Variants in DTNB observed in about 807,000 individuals in gnomAD.
DTNB encodes the protein DTN-B.
A neutral mutation model predicts 90.7 loss-of-function variants in DTNB; 63 were observed. That is an observed-to-expected ratio of 0.69 (90% confidence interval 0.57 to 0.86). The LOEUF (loss-of-function observed/expected upper bound fraction) is 0.86, where lower values mean the gene tolerates loss of function less well. DTNB is among the 40% of genes least tolerant of loss of function. The pLI, the probability that DTNB is intolerant of heterozygous loss-of-function variation, is 0.00. For synonymous variants in DTNB, 277 were observed against 286.7 expected, an observed-to-expected ratio of 0.97 and a Z score of 0.34; for missense variants, 744 against 807.1, an observed-to-expected ratio of 0.92 and a Z score of 0.95.
intron 12 of DTNB, among the ~76,000 whole-genome samples, chr2:25,444,768 A>G (rs2058133623): frequency 6.6e-6 from 1 of 152,178 alleles, no homozygotes. Flanking sequence ...AAAAATCAAT[A>G]CAAACCTATC....
chr2:25,525,140 G>A (rs1056153220), intron 9 of DTNB, among the ~76,000 whole-genome samples: 63 of 152,108 alleles, frequency 4.1e-4, no homozygotes, highest in African/African-American at 1.5e-3. Context: ...CTTACAGAAC[G>A]ACATGTAGAG....
chr2:25,460,721 A>G (rs1347277037), intron 10 of DTNB, among the ~76,000 whole-genome samples: 1 of 152,288 alleles, frequency 6.6e-6, no homozygotes, highest in East Asian at 1.9e-4. Context: ...TGTGCTTGAC[A>G]TAAATAGTTT....
chr2:25,606,879 G>A (rs919880993), intron 5 of DTNB, among the ~76,000 whole-genome samples: 9 of 152,208 alleles, frequency 5.9e-5, no homozygotes, highest in Non-Finnish European at 1.2e-4. Flanking sequence ...AAACCAGACC[G>A]AACTCAGTAA....
chr2:25,458,241 T>C (rs772761219), intron 10 of DTNB, among the ~76,000 whole-genome samples: 1 of 152,204 alleles, frequency 6.6e-6, no homozygotes, highest in African/African-American at 2.4e-5. Flanking sequence ...CTGATGTTAG[T>C]TCTGTTTAGA....
chr2:25,585,498 C>T (rs2062220375), intron 6 of DTNB, among the ~76,000 whole-genome samples: 1 of 152,160 alleles, frequency 6.6e-6, no homozygotes, highest in Non-Finnish European at 1.5e-5. Flanking sequence ...ATGCCATTCT[C>T]ACTTCCCTTC....
rs10706267 is a variant in DTNB at position 25,441,810 on chromosome 2, A to AT, written c.1258-7816dup. 3.3e-5 allele frequency among the ~76,000 whole-genome samples: 5 copies of AT among 152,044 alleles called. No individual in the cohort carries two copies. The East Asian group carries it at 5.8e-4, about 18-fold the overall frequency. On this transcript the variant is annotated intron_variant, in intron 12 of 20. Transcript: ENST00000406818. Reference sequence around the variant, plus strand: ...CCTGAATCCTAAGGAAGAACCAGAAATTTTTTTTTTCAAAGACACTCAGGC... The same window carrying AT: ...CCTGAATCCTAAGGAAGAACCAGAAATTTTTTTTTTTCAAAGACACTCAGGC...
At chr2:25,642,163 G>A (rs1453558719) in intron 2 of DTNB, among the ~76,000 whole-genome samples, 2 of 152,082 alleles carry the variant, frequency 1.3e-5, no homozygotes, top group Non-Finnish European at 2.9e-5. Context: ...ATACAAGTGA[G>A]ATAAGTAACA....
chr2:25,383,912 G>C (rs770385591), intron 18 of DTNB, 23 bp from the exon 19 acceptor site: 2 of 1,613,978 alleles, frequency 1.2e-6, no homozygotes, highest in Non-Finnish European at 8.5e-7. Flanking sequence ...GTCCAAGGAG[G>C]CCAGTGACCC....
In DTNB at chr2:25,548,217, T is replaced by C. The variant is rs556334526; in HGVS notation, c.877-16620A>G. 2.6e-5 allele frequency among the ~76,000 whole-genome samples: 4 copies of C among 152,288 alleles called. No homozygotes were observed. In the South Asian group the frequency reaches 8.3e-4, roughly 32 times the overall value. On this transcript the variant is annotated intron_variant, in intron 8 of 20. Coordinates refer to ENST00000406818, the MANE Select transcript of DTNB (RefSeq NM_021907.5). ...GAGTACTGAAATCTAGGTTCCTCTATTTTCAATCTTTTCTTTCCTAGAAAG... is the reference window on the plus strand; with the variant it reads ...GAGTACTGAAATCTAGGTTCCTCTACTTTCAATCTTTTCTTTCCTAGAAAG...
chr2:25,633,429 G>T (rs1221629620), intron 3 of DTNB, among the ~76,000 whole-genome samples: 1 of 152,122 alleles, frequency 6.6e-6, no homozygotes, highest in South Asian at 2.1e-4. Flanking sequence ...GCCTCTCGAG[G>T]TGCCGGGATT....
rs561671373 is a variant in DTNB, at chr2:25,522,372, C to T, written c.1001+9101G>A. Among the ~76,000 whole-genome samples, 18 of 152,150 alleles carry T rather than the reference C, an allele frequency of 1.2e-4. No individual in the cohort carries two copies. The East Asian group carries it at 2.5e-3, about 21-fold the overall frequency. ...AAAGAAAACCAAAACCAAAACAAAA[C>T]GCAAAAACATAAATGGTGGGGAGGA... On this transcript the variant is annotated intron_variant, in intron 9 of 20. Transcript: ENST00000406818.
chr2:25,387,199 G>A lies in DTNB; in HGVS notation c.1825+90C>T. The A allele has an allele frequency of 7.9e-7, 1 of 1,269,484 alleles. No homozygotes were observed. Among genetic ancestry groups the A allele is most frequent in the South Asian group, 1.3e-5 (1 of 74,648 alleles). The allele number at this position is 1,269,484 out of a possible 1,614,324, so 78.6% of individuals were successfully genotyped here. ...GAAATGGGGTGGTGCAAGCTGGGTG[G>A]TGAGGTTCTGCCGGTGCTGGCAAGG... is the stretch of plus-strand genomic sequence containing the variant. On this transcript the variant is annotated intron_variant, in intron 18 of 20. Coordinates refer to ENST00000406818, the MANE Select transcript of DTNB (RefSeq NM_021907.5). The surrounding 1 kb of genome is among the most constrained non-coding windows in gnomAD (Gnocchi z 4.5).
At chr2:25,517,866 T>C (rs1359897031) in intron 9 of DTNB, among the ~76,000 whole-genome samples, 2 of 152,164 alleles carry the variant, frequency 1.3e-5, no homozygotes, top group African/African-American at 4.8e-5. Flanking sequence ...TGAATATCAT[T>C]CAGCCTTAGA....
intron 10 of DTNB, among the ~76,000 whole-genome samples, chr2:25,460,016 G>C (rs1201551962): frequency 1.3e-5 from 2 of 152,140 alleles, no homozygotes; most frequent in Non-Finnish European, 2.9e-5. Flanking sequence ...CAGTCAATTA[G>C]AAAACAACTG....
At chr2:25,448,912 C>T (rs1038630650) in intron 12 of DTNB, among the ~76,000 whole-genome samples, 2 of 151,756 alleles carry the variant, frequency 1.3e-5, no homozygotes, top group African/African-American at 4.8e-5. Context: ...ATGTACACTC[C>T]TGCAACCCAC....
At chr2:25,488,537 A>G (rs1362717671) in intron 9 of DTNB, among the ~76,000 whole-genome samples, 1 of 152,252 alleles carries the variant, frequency 6.6e-6, no homozygotes, top group Non-Finnish European at 1.5e-5. Context: ...TCTAGAAAGC[A>G]GTTGAAAATA....
At chr2:25,499,466 G>C (rs2069912583) in intron 9 of DTNB, among the ~76,000 whole-genome samples, 1 of 152,156 alleles carries the variant, frequency 6.6e-6, no homozygotes, top group African/African-American at 2.4e-5. Flanking sequence ...ACAGCAAGGG[G>C]AACAGACGAA....
chr2:25,479,856 TA>T (rs1484505399), intron 10 of DTNB, among the ~76,000 whole-genome samples: 2 of 152,236 alleles, frequency 1.3e-5, no homozygotes, highest in Non-Finnish European at 2.9e-5. Flanking sequence ...GGATGAGTTC[TA>T]AAAGAAACCT....
intron 2 of DTNB, chr2:25,649,959 C>CTA: frequency 6.2e-6 from 6 of 960,360 alleles, no homozygotes; most frequent in Non-Finnish European, 7.4e-6. Flanking sequence ...GCAGCAGACA[C>CTA]TATAGTCACC....
Sources: allele counts gnomAD v4.1 joint callset (sites outside exome capture counted in the v4.1 genomes callset), GRCh38; gene constraint gnomAD v4.1.1; non-coding constraint Gnocchi (gnomAD v3.1); transcripts MANE v1.5; gene names NCBI Gene and HGNC (gene_info 2026-07-23, HGNC 2026-07-21).